Variants in CPEB3 observed in about 807,000 individuals in gnomAD.
CPEB3 encodes cytoplasmic polyadenylation element-binding protein 3.
In CPEB3, 20 loss-of-function variants were observed where a neutral mutation model predicts 67.2. The ratio of observed to expected loss-of-function variants is 0.30; its 90% CI spans 0.21 to 0.43. CPEB3 has a LOEUF of 0.43. CPEB3 is among the 20% of genes least tolerant of loss of function. The probability of loss-of-function intolerance (pLI) is 1.00; values close to 1 mark genes in which losing one functional copy is unlikely to be tolerated. For synonymous variants in CPEB3, 376 were observed against 393.1 expected (o/e 0.96, Z 0.51); for missense variants, 746 against 968.6 (o/e 0.77, Z 3.05).
At chr10:92,206,858 T>C (rs1849816259) in intron 2 of CPEB3, among the ~76,000 whole-genome samples, 1 of 152,212 alleles carries the variant, frequency 6.6e-6, no homozygotes, top group Non-Finnish European at 1.5e-5. Flanking sequence ...CTTTAATAGG[T>C]CTGGGAGAGT....
intron 7 of CPEB3, among the ~76,000 whole-genome samples, chr10:92,099,300 C>T (rs1258343160): frequency 2.7e-5 from 4 of 146,970 alleles, no homozygotes; most frequent in Admixed American, 6.8e-5. Context: ...TACAGGCATG[C>T]GCCACCATGC....
chr10:92,182,774 C>T (rs1848515728), intron 3 of CPEB3, among the ~76,000 whole-genome samples: 2 of 145,540 alleles, frequency 1.4e-5, no homozygotes, highest in Non-Finnish European at 1.5e-5. Flanking sequence ...TGCAGTGAGC[C>T]GAGATTGCGC....
At chr10:92,218,207 G>C (rs1270912871) in intron 2 of CPEB3, among the ~76,000 whole-genome samples, 2 of 152,168 alleles carry the variant, frequency 1.3e-5, no homozygotes, top group East Asian at 3.9e-4. Flanking sequence ...AGGAGTTTGA[G>C]ACCAGCCTGA....
chr10:92,250,928 CT>C (rs1279755773), intron 1 of CPEB3, among the ~76,000 whole-genome samples: 4 of 126,384 alleles, frequency 3.2e-5, no homozygotes, highest in Non-Finnish European at 1.6e-5. Flanking sequence ...TCTTGGGAAA[CT>C]TTCGTTGCCC....
intron 3 of CPEB3, among the ~76,000 whole-genome samples, chr10:92,183,208 T>A (rs1848539933): frequency 6.6e-6 from 1 of 152,210 alleles, no homozygotes; most frequent in Non-Finnish European, 1.5e-5. Context: ...ATAGATTTCA[T>A]AAACGTTTTC....
At chr10:92,131,205 T>C (rs994234347) in intron 6 of CPEB3, among the ~76,000 whole-genome samples, 3 of 152,172 alleles carry the variant, frequency 2.0e-5, no homozygotes, top group African/African-American at 7.2e-5. Context: ...TTAGATTCTC[T>C]TCTTGGCATA....
intron 4 of CPEB3, among the ~76,000 whole-genome samples, chr10:92,177,279 G>GA (rs1590311866): frequency 1.3e-5 from 2 of 152,082 alleles, no homozygotes; most frequent in African/African-American, 4.8e-5. Flanking sequence ...AAACAGTTAG[G>GA]AAAAAATATA....
At chr10:92,225,552 C>A (rs1051987321) in intron 2 of CPEB3, among the ~76,000 whole-genome samples, 1 of 151,930 alleles carries the variant, frequency 6.6e-6, no homozygotes, top group African/African-American at 2.4e-5. Context: ...CTATCTAAAT[C>A]CCCCAAATAT....
chr10:92,222,326 T>G (rs1046729346), intron 2 of CPEB3, among the ~76,000 whole-genome samples: 17 of 152,070 alleles, frequency 1.1e-4, no homozygotes, highest in African/African-American at 4.1e-4. Flanking sequence ...TATGAGCCAC[T>G]GCACTCAGTT....
chr10:92,240,474 T>C, intron 1 of CPEB3, 113 bp from the exon 2 acceptor site: 1 of 1,004,812 alleles, frequency 1.0e-6, no homozygotes, highest in East Asian at 2.9e-5. Flanking sequence ...TACTAGCCAA[T>C]TGCAATGCAA....
intron 2 of CPEB3, among the ~76,000 whole-genome samples, chr10:92,218,442 AAATC>A (rs1448504865): frequency 1.3e-5 from 2 of 152,158 alleles, no homozygotes; most frequent in Non-Finnish European, 2.9e-5. Flanking sequence ...ACCAAAAACA[AAATC>A]AAAGAGAAAT....
At position 92,126,291 on chromosome 10, in the gene CPEB3, G is replaced by C. The variant is rs140965372; in HGVS notation, c.1454-15097C>G. Among the ~76,000 whole-genome samples, 13 of 152,218 alleles carry C rather than the reference G, an allele frequency of 8.5e-5. No individual in the cohort carries two copies. The East Asian group carries it at 2.5e-3, about 29-fold the overall frequency. ...GATACCTGGTTATATTATAGCTCCT[G>C]TTCTTGGACTCCCCTTGTTACTCAT... On this transcript the variant is annotated intron_variant, in intron 6 of 9. Coordinates refer to ENST00000265997, the MANE Select transcript of CPEB3 (RefSeq NM_014912.5).
At chr10:92,242,256 C>A (rs978535596) in intron 1 of CPEB3, among the ~76,000 whole-genome samples, 1 of 152,180 alleles carries the variant, frequency 6.6e-6, no homozygotes, top group Non-Finnish European at 1.5e-5. Flanking sequence ...TTCAACCCCC[C>A]CAGGGAAAAA....
chr10:92,057,020 G>C (rs1842136596), intron 9 of CPEB3, among the ~76,000 whole-genome samples: 2 of 152,202 alleles, frequency 1.3e-5, no homozygotes, highest in Admixed American at 1.3e-4. Flanking sequence ...AGTCCTGGCA[G>C]CATTCATTAC....
At chr10:92,181,851 G>A (rs755705407) in intron 3 of CPEB3, among the ~76,000 whole-genome samples, 2 of 152,208 alleles carry the variant, frequency 1.3e-5, no homozygotes, top group Non-Finnish European at 2.9e-5. Context: ...TGGTCTATAA[G>A]ATGTTAAGTC....
intron 1 of CPEB3, among the ~76,000 whole-genome samples, chr10:92,285,325 TA>T (rs1842478129): frequency 6.6e-6 from 1 of 152,088 alleles, no homozygotes; most frequent in African/African-American, 2.4e-5. Flanking sequence ...GGCTGGAGTG[TA>T]GCGGCACAAT....
At position 92,239,121 on chromosome 10, in the gene CPEB3, C is replaced by T. The variant is rs1010520377; in HGVS notation, c.1005+225G>A. On this transcript the variant is annotated intron_variant, in intron 2 of 9. Coordinates refer to ENST00000265997, the MANE Select transcript of CPEB3 (RefSeq NM_014912.5). This position sits in a 1 kb window ranked among gnomAD's most constrained non-coding sequence, Gnocchi z 6.0. Reference sequence around the variant, plus strand: ...ATAAACTAAAAGAAAAAGGCTTCTTCTACCCTGAAGGGACGAATACGATTC... The same window carrying T: ...ATAAACTAAAAGAAAAAGGCTTCTTTTACCCTGAAGGGACGAATACGATTC... Among the ~76,000 whole-genome samples, 2 of 152,222 alleles carry T rather than the reference C, an allele frequency of 1.3e-5. No individual in the cohort carries two copies. The highest frequency in any genetic ancestry group is 2.4e-5 in the African/African-American group (1 of 41,460).
At chr10:92,199,795 C>T (rs1312193956) in intron 2 of CPEB3, among the ~76,000 whole-genome samples, 1 of 151,806 alleles carries the variant, frequency 6.6e-6, no homozygotes, top group Non-Finnish European at 1.5e-5. Flanking sequence ...TGTCAGGTCC[C>T]TTCTGCACTA....
At position 92,052,093 on chromosome 10, in the gene CPEB3, T is replaced by G; in HGVS notation, c.*119A>C. ...AATAATAATAAAAAGACCCAATTCT[T>G]CTTTAAAAATCGAGAACGAATGCAC... On this transcript the variant is annotated 3_prime_UTR_variant, in exon 10 of 10. Coordinates refer to ENST00000265997, the MANE Select transcript of CPEB3 (RefSeq NM_014912.5). The G allele has an allele frequency of 1.6e-6, 1 of 628,444 alleles. No individual in the cohort carries two copies. Among genetic ancestry groups the G allele is most frequent in the Admixed American group, 2.9e-5 (1 of 34,122 alleles). The allele number at this position is 628,444 out of a possible 1,614,324, so 38.9% of individuals were successfully genotyped here.
Sources: allele counts gnomAD v4.1 joint callset (sites outside exome capture counted in the v4.1 genomes callset), GRCh38; gene constraint gnomAD v4.1.1; non-coding constraint Gnocchi (gnomAD v3.1); transcripts MANE v1.5; gene names NCBI Gene and HGNC (gene_info 2026-07-23, HGNC 2026-07-21).